KLHDC2: variants seen among roughly 807,000 people sequenced by gnomAD.
KLHDC2 encodes kelch domain-containing protein 2.
KLHDC2 carries 38 observed loss-of-function variants against 62.3 expected under a neutral mutation model. That is an observed-to-expected ratio of 0.61 (90% CI 0.47 to 0.80). The LOEUF is 0.80. Among genes scored for constraint, KLHDC2 ranks in the 30% least tolerant of loss-of-function variants. The probability of loss-of-function intolerance (pLI) is 0.00; values close to 1 mark genes in which losing one functional copy is unlikely to be tolerated. For synonymous variants in KLHDC2, 159 were observed against 161.0 expected (o/e 0.99, Z 0.09); for missense variants, 430 against 495.3 (o/e 0.87, Z 1.25).
Position 49,768,618 on chromosome 14 carries a change from C to G in KLHDC2, c.150C>G (p.Tyr50Ter). ...GCCACATGTTCGTCTGGGGCGGCTA[C>G]AAGGTCAGTGAGTGGCCGGGCCGCG... is the stretch of plus-strand genomic sequence containing the variant. ...DGRHMFVWGGYKSNQVRGLYD... is the reference protein window; with the variant it reads ...DGRHMFVWGG Residue 50 changes from tyrosine (Y) to a stop codon, truncating the protein, a stop_gained, in exon 1 of 13, where the codon TAC becomes TAG. Coordinates refer to ENST00000298307, the MANE Select transcript of KLHDC2 (RefSeq NM_014315.3). LOFTEE classifies it high-confidence loss of function. The G allele has an allele frequency of 6.3e-7, 1 of 1,592,452 alleles. No individual in the cohort carries two copies. Among genetic ancestry groups the G allele is most frequent in the Non-Finnish European group, 8.5e-7 (1 of 1,171,030 alleles).
At chr14:49,772,992 TAA>T (rs1426163911) in intron 2 of KLHDC2, among the ~76,000 whole-genome samples, 7 of 152,132 alleles carry the variant, frequency 4.6e-5, no homozygotes, top group Admixed American at 3.9e-4. Flanking sequence ...AAACTAAAAA[TAA>T]GTCATGATTA....
intron 3 of KLHDC2, among the ~76,000 whole-genome samples, chr14:49,776,208 C>T (rs1194331198): frequency 6.6e-6 from 1 of 152,080 alleles, no homozygotes; most frequent in Non-Finnish European, 1.5e-5. Context: ...TATCATTGAG[C>T]CATATGTATT....
At chr14:49,779,469 G>C in intron 6 of KLHDC2, 126 bp from the exon 7 acceptor site, 1 of 627,232 alleles carries the variant, frequency 1.6e-6, no homozygotes, top group Non-Finnish European at 2.8e-6. Flanking sequence ...CTGTTGTCTA[G>C]AAGTCTACAC....
rs1889849386 is a variant in KLHDC2 at position 49,779,793 on chromosome 14, G to A, written c.760G>A (p.Glu254Lys). Reference protein sequence around the residue: ...DLHYLNLDTWEWNELIPQGIC... With the variant: ...DLHYLNLDTWKWNELIPQGIC... ...TCACTATCTTAATCTGGATACATGG[G>A]AGTGGAATGAATTGTAGGTATCACT... is the stretch of plus-strand genomic sequence containing the variant. The change falls in exon 8 of 13, where the codon GAG becomes AAG. Residue 254 changes from glutamate to lysine, a missense_variant. Glu to Lys is a moderately conservative substitution (Grantham distance 56). Coordinates refer to ENST00000298307, the MANE Select transcript of KLHDC2 (RefSeq NM_014315.3). The A allele has an allele frequency of 6.2e-7, 1 of 1,608,064 alleles. No homozygotes were observed. Among genetic ancestry groups the A allele is most frequent in the Non-Finnish European group, 8.5e-7 (1 of 1,176,142 alleles).
rs1890141678 is a variant in KLHDC2, at chr14:49,785,742, G to C, written c.*2789G>C. On this transcript the variant is annotated 3_prime_UTR_variant, in exon 13 of 13. Coordinates refer to ENST00000298307, the MANE Select transcript of KLHDC2 (RefSeq NM_014315.3). ...ATCTCTACAAAAAATATAAAAGTTAGCTGGGTATAGTGGGTGCCTGTAGTC... is the reference window on the plus strand; with the variant it reads ...ATCTCTACAAAAAATATAAAAGTTACCTGGGTATAGTGGGTGCCTGTAGTC... The C allele has an allele frequency of 5.6e-6, 1 of 179,700 alleles. No individual in the cohort carries two copies. The highest frequency in any genetic ancestry group is 1.2e-5 in the Non-Finnish European group (1 of 84,150). 11.1% of individuals were successfully genotyped at this position (179,700 alleles called of 1,614,324 possible).
At chr14:49,778,122 T>C (rs1889810700) in intron 4 of KLHDC2, 56 bp from the exon 5 acceptor site, 1 of 1,199,946 alleles carries the variant, frequency 8.3e-7, no homozygotes, top group African/African-American at 1.5e-5. Context: ...ATAAACTGCT[T>C]GTATCCTATC....
intron 3 of KLHDC2, 37 bp from the exon 4 acceptor site, chr14:49,777,802 T>A (rs773834089): frequency 1.7e-6 from 2 of 1,153,386 alleles, no homozygotes; most frequent in Non-Finnish European, 2.5e-6. Context: ...ATTTCTTTCA[T>A]AAAACCAACT....
In KLHDC2 at chr14:49,784,466, C is replaced by T. The variant is rs1459034211; in HGVS notation, c.*1513C>T. 7 of 555,026 alleles carry T rather than the reference C, an allele frequency of 1.3e-5. No homozygotes were observed. In the South Asian group the frequency reaches 1.6e-4, roughly 13 times the overall value. The allele number at this position is 555,026 out of a possible 1,614,324, so 34.4% of individuals were successfully genotyped here. A position where few individuals can be genotyped will look rare whatever the true frequency, so the allele number is the denominator to read the frequency against. ...AATCCTATCATAGACAGTGTTTCCT[C>T]TATATAAAACTGGGAAAAAACAAGA... On this transcript the variant is annotated 3_prime_UTR_variant, in exon 13 of 13. Coordinates refer to ENST00000298307, the MANE Select transcript of KLHDC2 (RefSeq NM_014315.3).
Position 49,785,454 on chromosome 14 carries a change from G to T in KLHDC2, c.*2501G>T. ...ACATACCATCTAAGCTGGAACAGTG[G>T]TACTTAAACTCTGCTTCATAGTTCC... On this transcript the variant is annotated 3_prime_UTR_variant, in exon 13 of 13. Transcript: ENST00000298307. 1.5e-6 allele frequency: 1 copy of T among 646,314 alleles called. No homozygotes were observed. 40.0% of individuals were successfully genotyped at this position (646,314 alleles called of 1,614,324 possible).
Position 49,779,711 on chromosome 14 carries a change from A to C in KLHDC2, c.714+36A>C, listed in dbSNP as rs201964410. ...AAACGACTTCAATGACTTGCTTTTG[A>C]ATTCTTCAAAATGATAACTTAATTA... is the stretch of plus-strand genomic sequence containing the variant. On this transcript the variant is annotated intron_variant, in intron 7 of 12. Transcript: ENST00000298307. 2.1e-4 allele frequency: 341 copies of C among 1,610,418 alleles called. 3 individuals carry two copies. Among genetic ancestry groups the C allele is most frequent in the Admixed American group, 8.3e-5 (5 of 60,014 alleles).
At chr14:49,769,816 G>A (rs1252690553) in intron 1 of KLHDC2, among the ~76,000 whole-genome samples, 3 of 151,896 alleles carry the variant, frequency 2.0e-5, no homozygotes, top group African/African-American at 7.3e-5. Flanking sequence ...GGTGACGGGC[G>A]CCCTAATCCC....
chr14:49,777,003 C>T (rs1306414343), intron 3 of KLHDC2, among the ~76,000 whole-genome samples: 1 of 151,954 alleles, frequency 6.6e-6, no homozygotes, highest in Non-Finnish European at 1.5e-5. Context: ...ACCAAATGCC[C>T]ACCAATCAAC....
chr14:49,780,009 G>GTGTT lies in KLHDC2; in HGVS notation c.774-199_774-196dup, dbSNP rs1889854831. The GTGTT allele has an allele frequency of 2.3e-5, 14 of 615,512 alleles. No homozygotes were observed. The South Asian group carries it at 2.9e-4, about 13-fold the overall frequency. The allele number at this position is 615,512 out of a possible 1,614,324, so 38.1% of individuals were successfully genotyped here. ...GTGCCTAGTACATAGCATGTGCTCAGTGTTTGTTGAAAGGAAAAGGTCTGA... is the reference window on the plus strand; with the variant it reads ...GTGCCTAGTACATAGCATGTGCTCAGTGTTTGTTTGTTGAAAGGAAAAGGTCTGA... On this transcript the variant is annotated intron_variant, in intron 8 of 12. Coordinates refer to ENST00000298307, the MANE Select transcript of KLHDC2 (RefSeq NM_014315.3).
chr14:49,768,362 C>T lies in KLHDC2; in HGVS notation c.-107C>T. The T allele has an allele frequency of 1.5e-6, 2 of 1,295,324 alleles. No homozygotes were observed. The highest frequency in any genetic ancestry group is 2.1e-6 in the Non-Finnish European group (2 of 949,982). The allele number at this position is 1,295,324 out of a possible 1,614,324, so 80.2% of individuals were successfully genotyped here. A position where few individuals can be genotyped will look rare whatever the true frequency, so the allele number is the denominator to read the frequency against. ...GGCCTCAACGCCGTCCCTTTCGCCACCGCCTTTTCCTTGCCTCGCGCCGCT... is the reference window on the plus strand; with the variant it reads ...GGCCTCAACGCCGTCCCTTTCGCCATCGCCTTTTCCTTGCCTCGCGCCGCT... On this transcript the variant is annotated 5_prime_UTR_variant, in exon 1 of 13. Coordinates refer to ENST00000298307, the MANE Select transcript of KLHDC2 (RefSeq NM_014315.3).
chr14:49,777,002 C>G (rs138631026), intron 3 of KLHDC2, among the ~76,000 whole-genome samples: 238 of 151,836 alleles, frequency 1.6e-3, no homozygotes, highest in African/African-American at 5.4e-3. Context: ...GACCAAATGC[C>G]CACCAATCAA....
At chr14:49,773,175 A>G (rs940244351) in intron 2 of KLHDC2, among the ~76,000 whole-genome samples, 1 of 152,012 alleles carries the variant, frequency 6.6e-6, no homozygotes, top group Non-Finnish European at 1.5e-5. Flanking sequence ...GCACTTTGGG[A>G]AGCCGAGGCA....
At position 49,768,294 on chromosome 14, in the gene KLHDC2, C is replaced by T. The variant is rs188086866; in HGVS notation, c.-175C>T. ...GCCCCGGCGGCGGCGGAGAGCCGTC[C>T]TCGGCCGAGGAGGCTGGGAAACGCG... On this transcript the variant is annotated 5_prime_UTR_variant, in exon 1 of 13. Coordinates refer to ENST00000298307, the MANE Select transcript of KLHDC2 (RefSeq NM_014315.3). 224 of 664,606 alleles carry T rather than the reference C, an allele frequency of 3.4e-4. No individual in the cohort carries two copies. In the African/African-American group the frequency reaches 3.8e-3, roughly 11 times the overall value. The allele number at this position is 664,606 out of a possible 1,614,324, so 41.2% of individuals were successfully genotyped here. A position where few individuals can be genotyped will look rare whatever the true frequency, so the allele number is the denominator to read the frequency against.
chr14:49,771,724 C>A, intron 2 of KLHDC2, 51 bp downstream of exon 2: 2 of 936,654 alleles, frequency 2.1e-6, no homozygotes, highest in South Asian at 1.3e-5. Flanking sequence ...AAGGGCTGGG[C>A]ACGGTGGCTG....
rs1426377876 is a variant in KLHDC2 at position 49,783,615 on chromosome 14, A to C, written c.*662A>C. Reference sequence around the variant, plus strand: ...CATTTTCCATTCTGTTAAGAGACAGAGGAAAAGTGGGTTAGAGTCTTTAGT... The same window carrying C: ...CATTTTCCATTCTGTTAAGAGACAGCGGAAAAGTGGGTTAGAGTCTTTAGT... On this transcript the variant is annotated 3_prime_UTR_variant, in exon 13 of 13. Transcript: ENST00000298307. The C allele has an allele frequency of 1.3e-5, 2 of 152,148 alleles. No homozygotes were observed. The highest frequency in any genetic ancestry group is 2.9e-5 in the Non-Finnish European group (2 of 68,030). The allele number at this position is 152,148 out of a possible 1,614,324, so 9.4% of individuals were successfully genotyped here.
Sources: gnomAD v4.1 joint callset for allele counts (sites outside exome capture counted in the v4.1 genomes callset) on GRCh38, gnomAD v4.1.1 for gene constraint, MANE v1.5 for transcripts, NCBI Gene and HGNC (gene_info 2026-07-23, HGNC 2026-07-21) for gene names.